LRRC4C: variants seen among roughly 807,000 people sequenced by gnomAD.
The protein encoded by LRRC4C is leucine-rich repeat-containing protein 4C.
In LRRC4C, 5 loss-of-function variants were observed where a neutral mutation model predicts 33.6. That is an observed-to-expected ratio of 0.15 (90% CI 0.08 to 0.31). The LOEUF (loss-of-function observed/expected upper bound fraction) is 0.31. Among genes scored for constraint, LRRC4C ranks in the 10% least tolerant of loss-of-function variants. LRRC4C has a pLI of 1.00. For missense variants in LRRC4C, 560 were observed against 796.7 expected, an observed-to-expected ratio of 0.70 and a Z score of 3.58; for synonymous variants, 329 against 302.0, an observed-to-expected ratio of 1.09 and a Z score of -0.93.
At chr11:41,406,975 A>G (rs1408435874) in intron 1 of LRRC4C, among the ~76,000 whole-genome samples, 1 of 152,164 alleles carries the variant, frequency 6.6e-6, no homozygotes, top group East Asian at 1.9e-4. Context: ...ATTGTTTATA[A>G]AAGGGAAAAA....
chr11:40,666,092 A>G (rs7946733), intron 2 of LRRC4C, among the ~76,000 whole-genome samples: 80,167 of 151,764 alleles, frequency 0.53, 22,503 homozygotes, highest in East Asian at 0.71. Flanking sequence ...CCTTCAATTG[A>G]AGAATAGATA....
At chr11:41,093,044 A>C (rs7116016) in intron 1 of LRRC4C, among the ~76,000 whole-genome samples, 37,982 of 152,126 alleles carry the variant, frequency 0.25, 4,944 homozygotes, top group Admixed American at 0.34. Flanking sequence ...TAACGGTATT[A>C]TGTTTCTTCG....
chr11:40,359,353 A>C (rs1184050387), intron 3 of LRRC4C, among the ~76,000 whole-genome samples: 4 of 152,202 alleles, frequency 2.6e-5, no homozygotes, highest in African/African-American at 9.6e-5. Flanking sequence ...TGCTTGGGAA[A>C]TAAACTGTCA....
intron 3 of LRRC4C, among the ~76,000 whole-genome samples, chr11:40,488,085 A>C (rs1953956193): frequency 6.6e-6 from 1 of 152,112 alleles, no homozygotes; most frequent in Non-Finnish European, 1.5e-5. Flanking sequence ...TTCAGATTTC[A>C]AAGACTACAC....
chr11:40,303,452 G>A (rs1944879271), intron 4 of LRRC4C, among the ~76,000 whole-genome samples: 4 of 152,112 alleles, frequency 2.6e-5, no homozygotes, highest in Admixed American at 2.6e-4. Flanking sequence ...CACTGGAGTA[G>A]CTCAATCATA....
At chr11:40,652,044 T>C (rs1230148700) in intron 2 of LRRC4C, among the ~76,000 whole-genome samples, 3 of 152,150 alleles carry the variant, frequency 2.0e-5, no homozygotes, top group Non-Finnish European at 2.9e-5. Context: ...GGGATAGATA[T>C]TATTGAATAT....
chr11:40,315,713 G>T (rs559613709), intron 4 of LRRC4C, among the ~76,000 whole-genome samples: 1 of 151,986 alleles, frequency 6.6e-6, no homozygotes, highest in South Asian at 2.1e-4. Flanking sequence ...TTTGTCCACT[G>T]ATTTATTTGC....
chr11:41,135,325 A>T (rs1293246071), intron 1 of LRRC4C, among the ~76,000 whole-genome samples: 1 of 152,182 alleles, frequency 6.6e-6, no homozygotes, highest in Non-Finnish European at 1.5e-5. Context: ...CGTGCTAGAC[A>T]AAGAAAGTGA....
intron 2 of LRRC4C, among the ~76,000 whole-genome samples, chr11:40,806,201 G>T (rs927626289): frequency 2.6e-5 from 4 of 152,214 alleles, no homozygotes; most frequent in Admixed American, 1.3e-4. Flanking sequence ...TGAAGGCTGA[G>T]ATTAGAATTA....
intron 2 of LRRC4C, among the ~76,000 whole-genome samples, chr11:40,768,148 C>T (rs1316944820): frequency 6.6e-6 from 1 of 151,882 alleles, no homozygotes; most frequent in Non-Finnish European, 1.5e-5. Context: ...ACAAATGATA[C>T]TGAAGAAATT....
At chr11:40,883,500 A>G (rs4399317) in intron 2 of LRRC4C, among the ~76,000 whole-genome samples, 146,233 of 152,102 alleles carry the variant, frequency 0.96, 70,562 homozygotes, top group East Asian at 1. Flanking sequence ...TAATATAGGA[A>G]GAATCTTAAT....
chr11:41,334,266 C>T (rs1043408645), intron 1 of LRRC4C, among the ~76,000 whole-genome samples: 20 of 152,172 alleles, frequency 1.3e-4, no homozygotes, highest in African/African-American at 4.6e-4. Flanking sequence ...TCTTTGAACT[C>T]GTCAGTTCAA....
chr11:41,003,487 A>G (rs535650282), intron 1 of LRRC4C, among the ~76,000 whole-genome samples: 3 of 152,160 alleles, frequency 2.0e-5, no homozygotes, highest in African/African-American at 7.2e-5. Flanking sequence ...TACGGTATGG[A>G]GGCTACAACA....
chr11:41,264,573 A>T (rs1304826986), intron 1 of LRRC4C, among the ~76,000 whole-genome samples: 1 of 152,180 alleles, frequency 6.6e-6, no homozygotes, highest in African/African-American at 2.4e-5. Context: ...CATTTATAGC[A>T]GCAAGAGAAT....
intron 4 of LRRC4C, among the ~76,000 whole-genome samples, chr11:40,307,096 T>G (rs996374351): frequency 6.6e-6 from 1 of 151,946 alleles, no homozygotes. Flanking sequence ...GTAGGATGTT[T>G]AGCAGCATTC....
At chr11:40,793,683 G>A (rs184376224) in intron 2 of LRRC4C, among the ~76,000 whole-genome samples, 102 of 152,258 alleles carry the variant, frequency 6.7e-4, no homozygotes, top group African/African-American at 2.4e-3. Context: ...AGACAGTCTG[G>A]AAAGAGAGTC....
chr11:41,037,745 A>G (rs1857184090), intron 1 of LRRC4C, among the ~76,000 whole-genome samples: 1 of 152,186 alleles, frequency 6.6e-6, no homozygotes, highest in Non-Finnish European at 1.5e-5. Flanking sequence ...AGGTGAGTGG[A>G]CTGGCTTTAA....
intron 1 of LRRC4C, among the ~76,000 whole-genome samples, chr11:41,411,188 G>A (rs547637404): frequency 3.6e-4 from 23 of 63,462 alleles, no homozygotes; most frequent in African/African-American, 1.7e-3. Context: ...TTGCTCTGTC[G>A]CCCAGGCTGG....
intron 1 of LRRC4C, among the ~76,000 whole-genome samples, chr11:41,162,106 A>G (rs1944498376): frequency 6.6e-6 from 1 of 152,178 alleles, no homozygotes; most frequent in African/African-American, 2.4e-5. Flanking sequence ...TGGAAGAAAT[A>G]CAATATTTCT....
Sources: gnomAD v4.1 joint callset for allele counts (sites outside exome capture counted in the v4.1 genomes callset) on GRCh38, gnomAD v4.1.1 for gene constraint, MANE v1.5 for transcripts, NCBI Gene and HGNC (gene_info 2026-07-23, HGNC 2026-07-21) for gene names.